CYTIP: variants seen among roughly 807,000 people sequenced by gnomAD.
CYTIP encodes cytohesin-interacting protein.
Under a neutral mutation model 43.8 loss-of-function variants are expected in CYTIP, and 26 were observed. That is an observed-to-expected ratio of 0.59 (90% confidence interval 0.44 to 0.82). CYTIP has a LOEUF of 0.82. CYTIP is among the 40% of genes least tolerant of loss of function. The pLI is 0.00. For synonymous variants in CYTIP, 162 were observed against 162.9 expected, an observed-to-expected ratio of 0.99 and a Z score of 0.04; for missense variants, 426 against 443.1, an observed-to-expected ratio of 0.96 and a Z score of 0.35.
At chr2:157,430,701 C>T (rs1247867238) in intron 4 of CYTIP, 49 bp from the exon 5 acceptor site, 2 of 1,554,940 alleles carry the variant, frequency 1.3e-6, no homozygotes. Flanking sequence ...GTTAAATAAT[C>T]CCTCCTGACA....
intron 1 of CYTIP, among the ~76,000 whole-genome samples, chr2:157,442,254 T>C (rs1685930177): frequency 6.6e-6 from 1 of 152,242 alleles, no homozygotes; most frequent in African/African-American, 2.4e-5. Context: ...TTCTGCTTAC[T>C]GAATTGTAAA....
intron 4 of CYTIP, 34 bp from the exon 5 acceptor site, chr2:157,430,686 G>T: frequency 6.3e-7 from 1 of 1,588,712 alleles, no homozygotes; most frequent in Non-Finnish European, 8.6e-7. Context: ...GTGTTATGTT[G>T]GTTAGTTAAA....
chr2:157,438,896 C>T (rs531396412), intron 1 of CYTIP: 67 of 363,748 alleles, frequency 1.8e-4, no homozygotes, highest in Non-Finnish European at 3.6e-4. Context: ...TTTAGTATGC[C>T]GGAAATCAGT....
In CYTIP at chr2:157,430,871, C is replaced by G. The variant is rs1573859139; in HGVS notation, c.371G>C (p.Gly124Ala). 1.9e-6 allele frequency: 3 copies of G among 1,608,758 alleles called. No homozygotes were observed. The East Asian group carries it at 6.7e-5, about 36-fold the overall frequency. The change falls in exon 4 of 8, where the codon GGC becomes GCC. Residue 124 changes from glycine to alanine, a missense_variant. Transcript: ENST00000264192. ...AAAATTTAAGTTACCAGCTTGCAGG[C>G]CAGCACAGTGAGCTGGGCTGTCCTC... Reference protein sequence around the residue: ...IQEDSPAHCAGLQAGDVLANI... With the variant: ...IQEDSPAHCAALQAGDVLANI...
chr2:157,416,142 A>C lies in CYTIP; in HGVS notation c.615T>G (p.Gly205=), dbSNP rs1290560480. 2 of 1,601,864 alleles carry C rather than the reference A, an allele frequency of 1.2e-6. No individual in the cohort carries two copies. Among genetic ancestry groups the C allele is most frequent in the East Asian group, 4.5e-5 (2 of 44,828 alleles). ...CCAAACTGGGGCAATTAGCTGCATC[A>C]CCTAGAGCACAAAGTCTACTGTGAA... ...LQLQEHRLLH[G]DAANCPSLEN... is the part of the protein sequence containing the mutation. The change falls in exon 8 of 8, where the codon GGT becomes GGG. Residue 205 remains glycine, a splice_region_variant and synonymous_variant. Coordinates refer to ENST00000264192, the MANE Select transcript of CYTIP (RefSeq NM_004288.5).
chr2:157,427,266 A>T (rs1464032518), intron 6 of CYTIP, 85 bp downstream of exon 6: 35 of 1,055,026 alleles, frequency 3.3e-5, no homozygotes, highest in Non-Finnish European at 4.6e-5. Context: ...TTCAAGGGCT[A>T]TCTCAGTTCC....
chr2:157,422,515 A>G (rs1341170489), intron 6 of CYTIP, among the ~76,000 whole-genome samples: 1 of 151,966 alleles, frequency 6.6e-6, no homozygotes, highest in Admixed American at 6.6e-5. Context: ...CTAAAAATAC[A>G]AAAAGTTAGC....
chr2:157,433,902 A>G (rs1685752173), intron 3 of CYTIP, among the ~76,000 whole-genome samples: 1 of 152,230 alleles, frequency 6.6e-6, no homozygotes, highest in Non-Finnish European at 1.5e-5. Context: ...AAAACATACC[A>G]GGAGCTATCC....
At chr2:157,437,415 A>G (rs1292921121) in intron 1 of CYTIP, among the ~76,000 whole-genome samples, 1 of 152,130 alleles carries the variant, frequency 6.6e-6, no homozygotes, top group Admixed American at 6.5e-5. Flanking sequence ...AGGAAGCTAT[A>G]CAAGACTGGG....
intron 1 of CYTIP, among the ~76,000 whole-genome samples, chr2:157,438,028 C>T (rs2105145885): frequency 6.6e-6 from 1 of 152,180 alleles, no homozygotes; most frequent in East Asian, 1.9e-4. Context: ...ACTGGGAATT[C>T]ATCCAAAGGA....
chr2:157,438,314 G>A (rs532456614), intron 1 of CYTIP, among the ~76,000 whole-genome samples: 1 of 152,270 alleles, frequency 6.6e-6, no homozygotes, highest in African/African-American at 2.4e-5. Context: ...ATATGTGGAA[G>A]CTAAAAAAAG....
intron 3 of CYTIP, among the ~76,000 whole-genome samples, chr2:157,432,009 T>C (rs1685720704): frequency 6.6e-6 from 1 of 152,206 alleles, no homozygotes; most frequent in South Asian, 2.1e-4. Context: ...GATCATGCAC[T>C]ATGTTCCCAT....
At chr2:157,432,311 A>G (rs1685725759) in intron 3 of CYTIP, among the ~76,000 whole-genome samples, 1 of 152,158 alleles carries the variant, frequency 6.6e-6, no homozygotes, top group Non-Finnish European at 1.5e-5. Context: ...AAATAGAAAA[A>G]AACAGAAACC....
intron 6 of CYTIP, among the ~76,000 whole-genome samples, chr2:157,425,681 T>G (rs1685593819): frequency 6.6e-6 from 1 of 152,182 alleles, no homozygotes; most frequent in African/African-American, 2.4e-5. Flanking sequence ...TATAGCCCTA[T>G]TTTTCATTCT....
chr2:157,430,951 G>A lies in CYTIP; in HGVS notation c.291C>T (p.Pro97=), dbSNP rs1220084473. 1 of 1,612,080 alleles carries A rather than the reference G, an allele frequency of 6.2e-7. No individual in the cohort carries two copies. Among genetic ancestry groups the A allele is most frequent in the East Asian group, 2.2e-5 (1 of 44,870 alleles). Residue 97 remains proline, a synonymous_variant, in exon 4 of 8, where the codon CCC becomes CCT. Transcript: ENST00000264192. ...CCGAGGAGCAGGCATTCTGATTCTGGGGCCTGTAAGACTGTAAAAATTAAG... is the reference window on the plus strand; with the variant it reads ...CCGAGGAGCAGGCATTCTGATTCTGAGGCCTGTAAGACTGTAAAAATTAAG... ...TFGFEIQSYR[P]QNQNACSSEM... is the part of the protein sequence containing the mutation.
intron 7 of CYTIP, among the ~76,000 whole-genome samples, chr2:157,417,972 C>A (rs1362173987): frequency 1.3e-5 from 2 of 152,154 alleles, no homozygotes; most frequent in East Asian, 1.9e-4. Context: ...TAAACTCAAC[C>A]CTTCCCTTAA....
intron 1 of CYTIP, among the ~76,000 whole-genome samples, chr2:157,437,414 T>C (rs1685827757): frequency 6.6e-6 from 1 of 151,854 alleles, no homozygotes; most frequent in Non-Finnish European, 1.5e-5. Flanking sequence ...AAGGAAGCTA[T>C]ACAAGACTGG....
In CYTIP at chr2:157,434,765, C is replaced by T; in HGVS notation, c.175-18G>A. 6.3e-7 allele frequency: 1 copy of T among 1,595,588 alleles called. No homozygotes were observed. Among genetic ancestry groups the T allele is most frequent in the Non-Finnish European group, 8.6e-7 (1 of 1,167,926 alleles). On this transcript the variant is annotated intron_variant, in intron 1 of 7. Transcript: ENST00000264192. ...AAAGCAAGCTGAAAAACACAAAAGA[C>T]ATATAGTTATCCCAGGGTCTTCAAG...
chr2:157,441,216 C>G (rs1445053751), intron 1 of CYTIP, among the ~76,000 whole-genome samples: 2 of 152,170 alleles, frequency 1.3e-5, no homozygotes, highest in East Asian at 1.9e-4. Context: ...CAGAGAAACA[C>G]CTGCTCATGT....
Sources: gnomAD v4.1 joint callset for allele counts (sites outside exome capture counted in the v4.1 genomes callset) on GRCh38, gnomAD v4.1.1 for gene constraint, MANE v1.5 for transcripts, NCBI Gene and HGNC (gene_info 2026-07-23, HGNC 2026-07-21) for gene names.